Variants in IREB2 observed in about 807,000 individuals in gnomAD.
The protein encoded by IREB2 is iron-responsive element-binding protein 2.
In IREB2, 39 loss-of-function variants were observed where a neutral mutation model predicts 118.8. The ratio of observed to expected loss-of-function variants is 0.33; its 90% CI spans 0.25 to 0.43. The LOEUF is 0.43. IREB2 is among the 20% of genes least tolerant of loss of function. The probability of loss-of-function intolerance (pLI) is 1.00; values close to 1 mark genes in which losing one functional copy is unlikely to be tolerated. For synonymous variants in IREB2, 372 were observed against 392.2 expected, an observed-to-expected ratio of 0.95 and a Z score of 0.61; for missense variants, 900 against 1,147.3, an observed-to-expected ratio of 0.78 and a Z score of 3.11.
intron 10 of IREB2, 63 bp from the exon 11 acceptor site, chr15:78,483,255 A>T: frequency 1.3e-6 from 1 of 771,046 alleles, no homozygotes; most frequent in Non-Finnish European, 2.3e-6. Context: ...GTAATGCTTC[A>T]ATTGGAATCT....
rs111441857 is a variant in IREB2 at position 78,470,603 on chromosome 15, T to C, written c.699+2T>C. On this transcript the variant is annotated splice_donor_variant, in intron 6 of 21. Coordinates refer to ENST00000258886, the MANE Select transcript of IREB2 (RefSeq NM_004136.4). LOFTEE classifies it high-confidence loss of function. Reference sequence around the variant, plus strand: ...CGAGAGAGGCTTCAGTTTTTTAAGGTATAAATGATTCAGGGAAATTTTTGT... The same window carrying C: ...CGAGAGAGGCTTCAGTTTTTTAAGGCATAAATGATTCAGGGAAATTTTTGT... The C allele has an allele frequency of 6.5e-7, 1 of 1,545,906 alleles. No individual in the cohort carries two copies. The highest frequency in any genetic ancestry group is 8.8e-7 in the Non-Finnish European group (1 of 1,131,994).
At chr15:78,470,213 A>G (rs1412588135) in intron 5 of IREB2, among the ~76,000 whole-genome samples, 2 of 152,216 alleles carry the variant, frequency 1.3e-5, no homozygotes, top group Admixed American at 1.3e-4. Flanking sequence ...TGAAGCTACT[A>G]CTTTCCTCTT....
chr15:78,438,635 G>C (rs2050794232), intron 1 of IREB2: 6 of 471,172 alleles, frequency 1.3e-5, no homozygotes, highest in Admixed American at 7.3e-5. Context: ...GCCGCTGCCT[G>C]CTGCCAGCGG....
chr15:78,472,948 T>G (rs12593229), intron 7 of IREB2, among the ~76,000 whole-genome samples: 76,988 of 152,026 alleles, frequency 0.51, 20,900 homozygotes, highest in Non-Finnish European at 0.62. Context: ...ATCTGTATCT[T>G]GAATACAGTG....
rs2051928265 is a variant in IREB2, at chr15:78,500,665, AT to A, written c.*2524del. On this transcript the variant is annotated 3_prime_UTR_variant, in exon 22 of 22. Transcript: ENST00000258886. Reference sequence around the variant, plus strand: ...AGGGTTTTTTTTATACTTTGAAAACATTATGCTACATATCATTGCCATTTTC... The same window carrying A: ...AGGGTTTTTTTTATACTTTGAAAACATATGCTACATATCATTGCCATTTTC... 2.0e-5 allele frequency: 3 copies of A among 152,186 alleles called. No individual in the cohort carries two copies. Among genetic ancestry groups the A allele is most frequent in the Admixed American group, 2.0e-4 (3 of 15,274 alleles). 9.4% of individuals were successfully genotyped at this position (152,186 alleles called of 1,614,324 possible).
intron 15 of IREB2, 123 bp from the exon 16 acceptor site, chr15:78,488,523 GC>G: frequency 9.6e-7 from 1 of 1,041,944 alleles, no homozygotes; most frequent in Non-Finnish European, 1.4e-6. Context: ...AGTTCTTCCA[GC>G]CGCTTAAGCC....
intron 12 of IREB2, 121 bp from the exon 13 acceptor site, chr15:78,485,582 CAG>C (rs2051645117): frequency 2.0e-6 from 2 of 981,948 alleles, no homozygotes; most frequent in African/African-American, 3.3e-5. Flanking sequence ...AAAATAATGA[CAG>C]TAAGTTTATG....
rs1430793940 is a variant in IREB2, at chr15:78,470,453, A to G, written c.630-79A>G. ...AATATATTTGTGTATATATATGCCT[A>G]AGAACGATGACTTAGAAAGAAACAA... On this transcript the variant is annotated intron_variant, in intron 5 of 21. Coordinates refer to ENST00000258886, the MANE Select transcript of IREB2 (RefSeq NM_004136.4). 22 of 817,622 alleles carry G rather than the reference A, an allele frequency of 2.7e-5. No homozygotes were observed. The East Asian group carries it at 5.4e-4, about 20-fold the overall frequency. 50.6% of individuals were successfully genotyped at this position (817,622 alleles called of 1,614,324 possible).
chr15:78,438,595 G>T, intron 1 of IREB2: 1 of 542,112 alleles, frequency 1.8e-6, no homozygotes, highest in Non-Finnish European at 3.3e-6. Flanking sequence ...CCCACCGCTG[G>T]CCTTGACCCG....
chr15:78,481,725 T>C (rs2141507638), intron 10 of IREB2: 1 of 151,550 alleles, frequency 6.6e-6, no homozygotes, highest in East Asian at 1.9e-4. Flanking sequence ...GGTCTCAAAC[T>C]CTTGACCTCA....
chr15:78,472,847 C>T (rs16969883), intron 7 of IREB2, among the ~76,000 whole-genome samples: 22,938 of 152,148 alleles, frequency 0.15, 1,771 homozygotes, highest in Non-Finnish European at 0.16. Flanking sequence ...TGTAAGCTTA[C>T]TCTTTCACAG....
chr15:78,473,037 A>G (rs2141491416), intron 7 of IREB2, among the ~76,000 whole-genome samples: 1 of 152,342 alleles, frequency 6.6e-6, no homozygotes, highest in South Asian at 2.1e-4. Flanking sequence ...CTTGAATATA[A>G]AGGTAAAATA....
At chr15:78,470,774 A>G in intron 6 of IREB2, 173 bp downstream of exon 6, 1 of 386,530 alleles carries the variant, frequency 2.6e-6, no homozygotes, top group Admixed American at 4.7e-5. Flanking sequence ...AGCTTACTGC[A>G]GCCTCCACCT....
In IREB2 at chr15:78,490,626, A is replaced by T; in HGVS notation, c.2189A>T (p.Glu730Val). Residue 730 changes from glutamate (E) to valine (V), a missense_variant, in exon 18 of 22, where the codon GAG becomes GTG. Physicochemically the swap from Glu to Val is moderately radical, Grantham distance 121 (BLOSUM62 -2). Transcript: ENST00000258886. ...TGAACTTTTACCTTCTAGACCAAAG[A>T]GCCAATTGCACTCCAGGCTATTGAA... ...CPSFFDKLTK[E>V]PIALQAIENA... 6.2e-7 allele frequency: 1 copy of T among 1,614,076 alleles called. No homozygotes were observed.
rs541371553 is a variant in IREB2 at position 78,485,910 on chromosome 15, C to A, written c.1709+70C>A. On this transcript the variant is annotated intron_variant, in intron 13 of 21. Transcript: ENST00000258886. The stretch of plus-strand genomic sequence containing the variant: ...AGGTACTGAAGCTGCTTGTTTGTGC[C>A]TTTCATATACAAAGAGAAGATAGAA... 31 of 1,249,726 alleles carry A rather than the reference C, an allele frequency of 2.5e-5. No homozygotes were observed. In the South Asian group the frequency reaches 4.1e-4, roughly 16 times the overall value. 77.4% of individuals were successfully genotyped at this position (1,249,726 alleles called of 1,614,324 possible). A position where few individuals can be genotyped will look rare whatever the true frequency, so the allele number is the denominator to read the frequency against.
chr15:78,490,193 G>A (rs780543171), intron 16 of IREB2, among the ~76,000 whole-genome samples: 23 of 152,002 alleles, frequency 1.5e-4, no homozygotes, highest in Non-Finnish European at 2.9e-4. Flanking sequence ...CCCACGTATC[G>A]CTTGAGCTCA....
intron 8 of IREB2, chr15:78,475,174 T>TA (rs2051448859): frequency 6.6e-6 from 1 of 151,808 alleles, no homozygotes; most frequent in South Asian, 2.1e-4. Flanking sequence ...CTGGCACTTA[T>TA]AAAATGTTAG....
chr15:78,460,211 G>A (rs920417355), intron 2 of IREB2, among the ~76,000 whole-genome samples: 1 of 152,182 alleles, frequency 6.6e-6, no homozygotes, highest in Non-Finnish European at 1.5e-5. Flanking sequence ...TTCATTAGGT[G>A]TTGCACATTG....
intron 13 of IREB2, 142 bp from the exon 14 acceptor site, chr15:78,487,591 A>G (rs11855783): frequency 0.012 from 6,860 of 558,490 alleles, 246 homozygotes; most frequent in East Asian, 0.087. Context: ...TCTGAGGTGA[A>G]TATATTGATG....
Sources: gnomAD v4.1 joint callset for allele counts (sites outside exome capture counted in the v4.1 genomes callset) on GRCh38, gnomAD v4.1.1 for gene constraint, MANE v1.5 for transcripts, NCBI Gene and HGNC (gene_info 2026-07-23, HGNC 2026-07-21) for gene names.